Variants in DCAF10 observed in about 807,000 individuals in gnomAD.
DCAF10 encodes the protein DDB1 and CUL4 associated factor 10.
In DCAF10, 19 loss-of-function variants were observed where a neutral mutation model predicts 51.9. The observed-to-expected ratio is 0.37, with a 90% CI of 0.26 to 0.54. The LOEUF (loss-of-function observed/expected upper bound fraction) is 0.54. DCAF10 is among the 20% of genes least tolerant of loss of function. DCAF10 has a pLI of 0.87. For synonymous variants in DCAF10, 291 were observed against 297.1 expected (o/e 0.98, Z 0.21); for missense variants, 510 against 730.6 (o/e 0.70, Z 3.48).
chr9:37,822,404 G>GATATATATATATATATATAT lies in DCAF10; in HGVS notation c.653+3022_653+3041dup, dbSNP rs59549239. Reference sequence around the variant, plus strand: ...ATCAATGAATGGATAAAGAAACTGTGATATATATATATATATATATATATA... The same window carrying GATATATATATATATATATAT: ...ATCAATGAATGGATAAAGAAACTGTGATATATATATATATATATATATATATATATATATATATATATATA... On this transcript the variant is annotated intron_variant, in intron 2 of 6. Coordinates refer to ENST00000377724, the MANE Select transcript of DCAF10 (RefSeq NM_024345.5). 5.1e-4 allele frequency among the ~76,000 whole-genome samples: 64 copies of GATATATATATATATATATAT among 124,592 alleles called. 1 individual carries two copies. Among genetic ancestry groups the GATATATATATATATATATAT allele is most frequent in the Non-Finnish European group, 7.7e-4 (45 of 58,256 alleles). 81.7% of individuals were successfully genotyped at this position (124,592 alleles called of 152,430 possible). A position where few individuals can be genotyped will look rare whatever the true frequency, so the allele number is the denominator to read the frequency against.
intron 1 of DCAF10, among the ~76,000 whole-genome samples, chr9:37,802,159 T>G (rs925877677): frequency 6.6e-6 from 1 of 152,254 alleles, no homozygotes; most frequent in African/African-American, 2.4e-5. Flanking sequence ...AGTTGTTTAC[T>G]CAGTTGTTCA....
chr9:37,809,868 C>T (rs1410847077), intron 1 of DCAF10, among the ~76,000 whole-genome samples: 1 of 145,728 alleles, frequency 6.9e-6, no homozygotes. Context: ...GGGAGCGGGG[C>T]GGCCGTGCGC....
chr9:37,841,424 G>C (rs1161662625), intron 2 of DCAF10, among the ~76,000 whole-genome samples: 2 of 152,050 alleles, frequency 1.3e-5, no homozygotes, highest in Non-Finnish European at 2.9e-5. Flanking sequence ...TTAAGTATTT[G>C]TATTAAATAT....
chr9:37,832,825 C>T (rs796916949), intron 2 of DCAF10, among the ~76,000 whole-genome samples: 3 of 152,248 alleles, frequency 2.0e-5, no homozygotes, highest in African/African-American at 7.2e-5. Flanking sequence ...TGATGAGGCC[C>T]TTGAATATTT....
At chr9:37,834,202 T>C (rs1031174497) in intron 2 of DCAF10, among the ~76,000 whole-genome samples, 7 of 152,138 alleles carry the variant, frequency 4.6e-5, no homozygotes, top group African/African-American at 1.7e-4. Context: ...CCTCCCAAAG[T>C]ACTGGAATTA....
At position 37,867,035 on chromosome 9, in the gene DCAF10, A is replaced by G. The variant is rs1394519375; in HGVS notation, c.*5527A>G. ...TCTCATTATAAAATAAGATTATATGAAATTTATATTCTAGAAATGATTCCA... is the reference window on the plus strand; with the variant it reads ...TCTCATTATAAAATAAGATTATATGGAATTTATATTCTAGAAATGATTCCA... On this transcript the variant is annotated 3_prime_UTR_variant, in exon 7 of 7. Coordinates refer to ENST00000377724, the MANE Select transcript of DCAF10 (RefSeq NM_024345.5). 1 of 152,164 alleles carries G rather than the reference A, an allele frequency of 6.6e-6. No homozygotes were observed. The highest frequency in any genetic ancestry group is 1.5e-5 in the Non-Finnish European group (1 of 68,030). 9.4% of individuals were successfully genotyped at this position (152,164 alleles called of 1,614,324 possible). A position where few individuals can be genotyped will look rare whatever the true frequency, so the allele number is the denominator to read the frequency against.
intron 5 of DCAF10, chr9:37,858,592 A>T (rs1246196552): frequency 1.3e-5 from 2 of 152,264 alleles, no homozygotes; most frequent in Non-Finnish European, 2.9e-5. Context: ...GAGATGATAT[A>T]TGAGGAGGCT....
intron 4 of DCAF10, among the ~76,000 whole-genome samples, chr9:37,856,262 C>T (rs1018942921): frequency 6.6e-6 from 1 of 152,202 alleles, no homozygotes; most frequent in Non-Finnish European, 1.5e-5. Flanking sequence ...CAGTGCCTGG[C>T]ATAACTGTCA....
intron 2 of DCAF10, among the ~76,000 whole-genome samples, chr9:37,834,087 G>A (rs1016168343): frequency 2.6e-5 from 4 of 152,066 alleles, no homozygotes; most frequent in Non-Finnish European, 5.9e-5. Context: ...TTACAGGCAG[G>A]CGTCACCACA....
chr9:37,821,124 CATATGTACATTTTT>C (rs1467865799), intron 2 of DCAF10, among the ~76,000 whole-genome samples: 2 of 151,824 alleles, frequency 1.3e-5, no homozygotes, highest in Non-Finnish European at 2.9e-5. Context: ...CACACTCACA[CATATGTACATTTTT>C]ATATAAATGG....
At chr9:37,859,719 TCTTA>T (rs1284401021) in intron 5 of DCAF10, among the ~76,000 whole-genome samples, 3 of 152,210 alleles carry the variant, frequency 2.0e-5, no homozygotes, top group Non-Finnish European at 4.4e-5. Context: ...TAACTTTGGT[TCTTA>T]CTTAAATAAA....
At chr9:37,836,260 A>G (rs1830162899) in intron 2 of DCAF10, 1 of 1,568,342 alleles carries the variant, frequency 6.4e-7, no homozygotes, top group South Asian at 1.1e-5. Flanking sequence ...GCAGATGTCT[A>G]CGTGGAATAT....
At chr9:37,836,044 G>A (rs1830155279) in intron 2 of DCAF10, 6 of 1,097,498 alleles carry the variant, frequency 5.5e-6, no homozygotes, top group South Asian at 5.0e-5. Flanking sequence ...CGCCGCCACG[G>A]TAAGGCTGTA....
At chr9:37,851,025 T>C (rs1219874827) in intron 3 of DCAF10, among the ~76,000 whole-genome samples, 3 of 150,114 alleles carry the variant, frequency 2.0e-5, no homozygotes, top group East Asian at 2.0e-4. Flanking sequence ...GGGTGGATCA[T>C]TTGAGATCAG....
chr9:37,846,576 C>T (rs931660791), intron 3 of DCAF10, among the ~76,000 whole-genome samples: 3 of 152,104 alleles, frequency 2.0e-5, no homozygotes, highest in African/African-American at 7.2e-5. Context: ...CCTGCCTCAG[C>T]CTCCTAAGTA....
intron 3 of DCAF10, among the ~76,000 whole-genome samples, chr9:37,847,843 T>C (rs943962542): frequency 6.6e-6 from 1 of 152,154 alleles, no homozygotes; most frequent in African/African-American, 2.4e-5. Flanking sequence ...TTTCTACTTA[T>C]AAGCAATGAA....
At chr9:37,851,680 G>C (rs10123617) in intron 3 of DCAF10, among the ~76,000 whole-genome samples, 1 of 150,906 alleles carries the variant, frequency 6.6e-6, no homozygotes, top group Non-Finnish European at 1.5e-5. Context: ...TTGTAATCCC[G>C]GTTACTCGGG....
At chr9:37,804,831 C>T (rs1328926952) in intron 1 of DCAF10, among the ~76,000 whole-genome samples, 1 of 151,428 alleles carries the variant, frequency 6.6e-6, no homozygotes, top group African/African-American at 2.4e-5. Context: ...AGAGTGATAG[C>T]CAATTAGTCT....
intron 1 of DCAF10, among the ~76,000 whole-genome samples, chr9:37,815,389 A>C (rs1829493853): frequency 6.6e-6 from 1 of 152,238 alleles, no homozygotes; most frequent in African/African-American, 2.4e-5. Flanking sequence ...TCACGCCTGT[A>C]ATCCCAGCAC....
Sources: gnomAD v4.1 joint callset for allele counts (sites outside exome capture counted in the v4.1 genomes callset) on GRCh38, gnomAD v4.1.1 for gene constraint, MANE v1.5 for transcripts, NCBI Gene and HGNC (gene_info 2026-07-23, HGNC 2026-07-21) for gene names.